The following GDF11 variants were observed in gnomAD, a reference collection of about 807,000 sequenced individuals.
GDF11 encodes the protein growth/differentiation factor 11.
A neutral mutation model predicts 34.4 loss-of-function variants in GDF11; 12 were observed. The observed-to-expected ratio is 0.35, with a 90% confidence interval of 0.22 to 0.57. The LOEUF is 0.57. Among genes scored for constraint, GDF11 ranks in the 20% least tolerant of loss-of-function variants. The pLI, the probability that GDF11 is intolerant of heterozygous loss-of-function variation, is 0.86. For missense variants in GDF11, 346 were observed against 548.2 expected (o/e 0.63, Z 3.68); for synonymous variants, 212 against 231.1 (o/e 0.92, Z 0.75).
chr12:55,743,236 C>T lies in GDF11; in HGVS notation c.-81C>T. The T allele has an allele frequency of 2.4e-6, 1 of 415,934 alleles. No homozygotes were observed. The highest frequency in any genetic ancestry group is 3.2e-6 in the Non-Finnish European group (1 of 312,724). The allele number at this position is 415,934 out of a possible 1,614,324, so 25.8% of individuals were successfully genotyped here. A position where few individuals can be genotyped will look rare whatever the true frequency, so the allele number is the denominator to read the frequency against. The stretch of plus-strand genomic sequence containing the variant: ...CCCGCGCCGCCCGGACCCCCTCCTC[C>T]TCCCTCCCTCCTCCCTCCGCCCCCT... On this transcript the variant is annotated 5_prime_UTR_variant, in exon 1 of 3. Transcript: ENST00000257868.
chr12:55,744,125 C>T (rs1459401100), intron 1 of GDF11, among the ~76,000 whole-genome samples: 1 of 152,186 alleles, frequency 6.6e-6, no homozygotes, highest in South Asian at 2.1e-4. Context: ...AATCGGGAGG[C>T]TGCAGGACCC....
At position 55,743,492 on chromosome 12, in the gene GDF11, C is replaced by A. The variant is rs756857866; in HGVS notation, c.176C>A (p.Pro59Gln). The A allele has an allele frequency of 1.7e-5, 27 of 1,545,050 alleles. 1 individual carries two copies. The highest frequency in any genetic ancestry group is 2.6e-6 in the Non-Finnish European group (3 of 1,150,326). ...SRPAPSVAPEPDGCPVCVWRQ... is the reference protein window; with the variant it reads ...SRPAPSVAPEQDGCPVCVWRQ... Reference sequence around the variant, plus strand: ...CCAGCCCCGTCCGTGGCGCCCGAGCCGGACGGCTGCCCCGTGTGCGTTTGG... The same window carrying A: ...CCAGCCCCGTCCGTGGCGCCCGAGCAGGACGGCTGCCCCGTGTGCGTTTGG... Residue 59 changes from proline to glutamine, a missense_variant, in exon 1 of 3, where the codon CCG becomes CAG. By Grantham distance (76) the Pro-to-Gln change is moderately conservative (BLOSUM62 -1). Coordinates refer to ENST00000257868, the MANE Select transcript of GDF11 (RefSeq NM_005811.5).
rs1206900957 is a variant in GDF11, at chr12:55,748,464, G to A, written c.446-122G>A. 9 of 820,118 alleles carry A rather than the reference G, an allele frequency of 1.1e-5. No homozygotes were observed. The highest frequency in any genetic ancestry group is 1.7e-5 in the African/African-American group (1 of 58,558). 50.8% of individuals were successfully genotyped at this position (820,118 alleles called of 1,614,324 possible). A position where few individuals can be genotyped will look rare whatever the true frequency, so the allele number is the denominator to read the frequency against. On this transcript the variant is annotated intron_variant, in intron 1 of 2. Coordinates refer to ENST00000257868, the MANE Select transcript of GDF11 (RefSeq NM_005811.5). This position sits in a 1 kb window ranked among gnomAD's most constrained non-coding sequence, Gnocchi z 5.6. Reference sequence around the variant, plus strand: ...GAGACATGGTATAAGATAGGCATGGGAGAAGGGTAAAGAAGAACTGGAAAA... The same window carrying A: ...GAGACATGGTATAAGATAGGCATGGAAGAAGGGTAAAGAAGAACTGGAAAA...
At chr12:55,744,642 C>G (rs1295476442) in intron 1 of GDF11, among the ~76,000 whole-genome samples, 1 of 146,744 alleles carries the variant, frequency 6.8e-6, no homozygotes, top group African/African-American at 2.5e-5. Context: ...GAATACTACA[C>G]CCCCCCTTTT....
chr12:55,750,076 AG>A lies in GDF11; in HGVS notation c.*198del. 1.7e-6 allele frequency: 1 copy of A among 588,250 alleles called. No individual in the cohort carries two copies. The highest frequency in any genetic ancestry group is 3.0e-6 in the Non-Finnish European group (1 of 332,470). 36.4% of individuals were successfully genotyped at this position (588,250 alleles called of 1,614,324 possible). ...GAGGGGTTTGGGGGAAAGGGGAAGC[AG>A]GGGCATAGTCAGGGTGGGGAGTGTT... On this transcript the variant is annotated 3_prime_UTR_variant, in exon 3 of 3. Transcript: ENST00000257868.
rs1425238486 is a variant in GDF11, at chr12:55,753,451, ATTGCCTGACTC to A, written c.*3570_*3580del. 6.6e-6 allele frequency: 1 copy of A among 152,138 alleles called. No homozygotes were observed. Among genetic ancestry groups the A allele is most frequent in the East Asian group, 1.9e-4 (1 of 5,188 alleles). The allele number at this position is 152,138 out of a possible 1,614,324, so 9.4% of individuals were successfully genotyped here. A position where few individuals can be genotyped will look rare whatever the true frequency, so the allele number is the denominator to read the frequency against. On this transcript the variant is annotated 3_prime_UTR_variant, in exon 3 of 3. Transcript: ENST00000257868. ...TATGAGTTGGGAATGGCAAAAGAATATTGCCTGACTCACATTTTTCAAAAATAAGGAAAGCT... is the reference window on the plus strand; with the variant it reads ...TATGAGTTGGGAATGGCAAAAGAATAACATTTTTCAAAAATAAGGAAAGCT...
rs1454019121 is a variant in GDF11, at chr12:55,755,217, T to G, written c.*5335T>G. The G allele has an allele frequency of 6.6e-6, 1 of 151,452 alleles. No individual in the cohort carries two copies. The highest frequency in any genetic ancestry group is 2.4e-5 in the African/African-American group (1 of 41,104). The allele number at this position is 151,452 out of a possible 1,614,324, so 9.4% of individuals were successfully genotyped here. A position where few individuals can be genotyped will look rare whatever the true frequency, so the allele number is the denominator to read the frequency against. Reference sequence around the variant, plus strand: ...CTCATATCAGACACAGCAAGAGAACTCAGCTCAACACCAAGAAGTCCTGCC... The same window carrying G: ...CTCATATCAGACACAGCAAGAGAACGCAGCTCAACACCAAGAAGTCCTGCC... On this transcript the variant is annotated 3_prime_UTR_variant, in exon 3 of 3. Coordinates refer to ENST00000257868, the MANE Select transcript of GDF11 (RefSeq NM_005811.5).
chr12:55,751,520 C>T lies in GDF11; in HGVS notation c.*1638C>T, dbSNP rs1032582673. On this transcript the variant is annotated 3_prime_UTR_variant, in exon 3 of 3. Coordinates refer to ENST00000257868, the MANE Select transcript of GDF11 (RefSeq NM_005811.5). Reference sequence around the variant, plus strand: ...GCACTTACCACGGGCACTTTATGGACATAAAATACCTCTCGCTGTGGGACA... The same window carrying T: ...GCACTTACCACGGGCACTTTATGGATATAAAATACCTCTCGCTGTGGGACA... 6.6e-6 allele frequency: 1 copy of T among 152,246 alleles called. No homozygotes were observed. The highest frequency in any genetic ancestry group is 2.4e-5 in the African/African-American group (1 of 41,442). The allele number at this position is 152,246 out of a possible 1,614,324, so 9.4% of individuals were successfully genotyped here.
At position 55,756,402 on chromosome 12, in the gene GDF11, A is replaced by G. The variant is rs1341500280; in HGVS notation, c.*6520A>G. ...CCAACCAGAGACTTTGGAGAAATAA[A>G]GAGATATCTTGACATTAGAAAGGTG... On this transcript the variant is annotated 3_prime_UTR_variant, in exon 3 of 3. Transcript: ENST00000257868. 6.6e-6 allele frequency: 1 copy of G among 152,216 alleles called. No individual in the cohort carries two copies. Among genetic ancestry groups the G allele is most frequent in the African/African-American group, 2.4e-5 (1 of 41,458 alleles). The allele number at this position is 152,216 out of a possible 1,614,324, so 9.4% of individuals were successfully genotyped here. A position where few individuals can be genotyped will look rare whatever the true frequency, so the allele number is the denominator to read the frequency against.
rs1878273449 is a variant in GDF11, at chr12:55,750,055, G to T, written c.*173G>T. Reference sequence around the variant, plus strand: ...AGGCAGGTGGGAATTGAGGGTGAGGGGTTTGGGGGAAAGGGGAAGCAGGGG... The same window carrying T: ...AGGCAGGTGGGAATTGAGGGTGAGGTGTTTGGGGGAAAGGGGAAGCAGGGG... On this transcript the variant is annotated 3_prime_UTR_variant, in exon 3 of 3. Coordinates refer to ENST00000257868, the MANE Select transcript of GDF11 (RefSeq NM_005811.5). 3 of 630,032 alleles carry T rather than the reference G, an allele frequency of 4.8e-6. No homozygotes were observed. The highest frequency in any genetic ancestry group is 3.0e-5 in the Admixed American group (1 of 33,676). The allele number at this position is 630,032 out of a possible 1,614,324, so 39.0% of individuals were successfully genotyped here. A position where few individuals can be genotyped will look rare whatever the true frequency, so the allele number is the denominator to read the frequency against.
At position 55,752,362 on chromosome 12, in the gene GDF11, TTGTG is replaced by T. The variant is rs1158456161; in HGVS notation, c.*2489_*2492del. On this transcript the variant is annotated 3_prime_UTR_variant, in exon 3 of 3. Transcript: ENST00000257868. ...CTTAAATACCACCAAATAAAGACCT[TTGTG>T]TGTGTGTGGTGGGTGGGGGGGGGGC... 1 of 124,618 alleles carries T rather than the reference TTGTG, an allele frequency of 8.0e-6. No individual in the cohort carries two copies. The highest frequency in any genetic ancestry group is 3.1e-5 in the African/African-American group (1 of 31,896). The allele number at this position is 124,618 out of a possible 1,614,324, so 7.7% of individuals were successfully genotyped here. A position where few individuals can be genotyped will look rare whatever the true frequency, so the allele number is the denominator to read the frequency against.
In GDF11 at chr12:55,749,592, C is replaced by T. The variant is rs1878259765; in HGVS notation, c.934C>T (p.Arg312Cys). The change falls in exon 3 of 3, where the codon CGC becomes TGC. Residue 312 changes from arginine (R) to cysteine (C), a missense_variant. By Grantham distance (180) the Arg-to-Cys change is radical. Coordinates refer to ENST00000257868, the MANE Select transcript of GDF11 (RefSeq NM_005811.5). The surrounding 1 kb of genome is among the most constrained non-coding windows in gnomAD (Gnocchi z 5.6). ...LDCDEHSSES[R>C]CCRYPLTVDF... ...CTGCGACGAGCACTCAAGCGAGTCC[C>T]GCTGCTGCCGATATCCCCTCACAGT... is the stretch of plus-strand genomic sequence containing the variant. 2 of 1,614,098 alleles carry T rather than the reference C, an allele frequency of 1.2e-6. No homozygotes were observed. The highest frequency in any genetic ancestry group is 1.7e-6 in the Non-Finnish European group (2 of 1,180,028).
Position 55,748,147 on chromosome 12 carries a change from G to C in GDF11, c.446-439G>C, listed in dbSNP as rs1237387498. ...TATTTTGTGGGGGAGGGATGTGCCA[G>C]GCTCTACCTGTCCAGCAGATAAATC... On this transcript the variant is annotated intron_variant, in intron 1 of 2. Transcript: ENST00000257868. The surrounding 1 kb of genome is among the most constrained non-coding windows in gnomAD (Gnocchi z 5.6). Among the ~76,000 whole-genome samples, 1 of 152,226 alleles carries C rather than the reference G, an allele frequency of 6.6e-6. No homozygotes were observed. The highest frequency in any genetic ancestry group is 2.4e-5 in the African/African-American group (1 of 41,450).
rs35639297 is a variant in GDF11 at position 55,748,769 on chromosome 12, G to C, written c.629G>C (p.Gly210Ala). 6.2e-7 allele frequency: 1 copy of C among 1,614,242 alleles called. No homozygotes were observed. The highest frequency in any genetic ancestry group is 8.5e-7 in the Non-Finnish European group (1 of 1,180,048). The change falls in exon 2 of 3, where the codon GGG (glycine) becomes GCG (alanine). Residue 210 changes from glycine to alanine, a missense_variant. Gly to Ala is a moderately conservative substitution (Grantham distance 60, BLOSUM62 0). Coordinates refer to ENST00000257868, the MANE Select transcript of GDF11 (RefSeq NM_005811.5). The surrounding 1 kb of genome is among the most constrained non-coding windows in gnomAD (Gnocchi z 5.6). ...LKPLTGEGTA[G>A]GGGGGRRHIR... ...CCCCTAACTGGGGAAGGGACCGCAG[G>C]GGGAGGGGGCGGAGGCCGGCGTCAC...
Position 55,757,116 on chromosome 12 carries a change from G to C in GDF11, c.*7234G>C, listed in dbSNP as rs1878529988. 1 of 156,138 alleles carries C rather than the reference G, an allele frequency of 6.4e-6. No homozygotes were observed. Among genetic ancestry groups the C allele is most frequent in the Non-Finnish European group, 1.4e-5 (1 of 70,718 alleles). 9.7% of individuals were successfully genotyped at this position (156,138 alleles called of 1,614,324 possible). ...TGAGTATGACAGAAGGGAATAAACAGGCTTAAAGGGTAAACTCAGTCCTTT... is the reference window on the plus strand; with the variant it reads ...TGAGTATGACAGAAGGGAATAAACACGCTTAAAGGGTAAACTCAGTCCTTT... On this transcript the variant is annotated 3_prime_UTR_variant, in exon 3 of 3. Transcript: ENST00000257868.
At chr12:55,745,312 T>C (rs1878157372) in intron 1 of GDF11, among the ~76,000 whole-genome samples, 1 of 152,056 alleles carries the variant, frequency 6.6e-6, no homozygotes, top group Admixed American at 6.5e-5. Context: ...TGCCCCTAAA[T>C]ATCCTTAGCA....
At chr12:55,745,852 GC>G (rs966629680) in intron 1 of GDF11, among the ~76,000 whole-genome samples, 1 of 151,160 alleles carries the variant, frequency 6.6e-6, no homozygotes, top group African/African-American at 2.4e-5. Flanking sequence ...TGGGAACCCA[GC>G]CCCCTGCCCT....
At position 55,743,146 on chromosome 12, in the gene GDF11, C is replaced by T. The variant is rs1314154250; in HGVS notation, c.-171C>T. 6.9e-6 allele frequency: 1 copy of T among 145,372 alleles called. No homozygotes were observed. The highest frequency in any genetic ancestry group is 1.5e-5 in the Non-Finnish European group (1 of 65,526). 9.0% of individuals were successfully genotyped at this position (145,372 alleles called of 1,614,324 possible). A position where few individuals can be genotyped will look rare whatever the true frequency, so the allele number is the denominator to read the frequency against. On this transcript the variant is annotated 5_prime_UTR_variant, in exon 1 of 3. Transcript: ENST00000257868. Reference sequence around the variant, plus strand: ...CAGCCGCCCGCCCCGGCCGCCCGCCCGCCCCGCCCGCGCGCCCGCCGCCCC... The same window carrying T: ...CAGCCGCCCGCCCCGGCCGCCCGCCTGCCCCGCCCGCGCGCCCGCCGCCCC...
Position 55,756,911 on chromosome 12 carries a change from A to G in GDF11, c.*7029A>G, listed in dbSNP as rs1406070262. The G allele has an allele frequency of 6.6e-6, 1 of 152,182 alleles. No individual in the cohort carries two copies. The highest frequency in any genetic ancestry group is 6.5e-5 in the Admixed American group (1 of 15,280). The allele number at this position is 152,182 out of a possible 1,614,324, so 9.4% of individuals were successfully genotyped here. A position where few individuals can be genotyped will look rare whatever the true frequency, so the allele number is the denominator to read the frequency against. ...CCCTGGACTCCATTTTATCCAAGAA[A>G]AAGTCTGCATTATTAGCTAATAACA... On this transcript the variant is annotated 3_prime_UTR_variant, in exon 3 of 3. Coordinates refer to ENST00000257868, the MANE Select transcript of GDF11 (RefSeq NM_005811.5).
Sources: allele counts gnomAD v4.1 joint callset (sites outside exome capture counted in the v4.1 genomes callset), GRCh38; gene constraint gnomAD v4.1.1; non-coding constraint Gnocchi (gnomAD v3.1); transcripts MANE v1.5; gene names NCBI Gene and HGNC (gene_info 2026-07-23, HGNC 2026-07-21).